MYH2: variants seen among roughly 807,000 people sequenced by gnomAD.
MYH2 encodes myosin heavy chain 2, also known as myosin-2.
A neutral mutation model predicts 228.1 loss-of-function variants in MYH2; 139 were observed. The ratio of observed to expected loss-of-function variants is 0.61; its 90% CI spans 0.53 to 0.70. The LOEUF (loss-of-function observed/expected upper bound fraction) is 0.70, where lower values mean the gene tolerates loss of function less well. Ranked by LOEUF, MYH2 falls within the 30% of genes least tolerant of loss-of-function variation. The probability of loss-of-function intolerance (pLI) is 0.00; values close to 1 mark genes in which losing one functional copy is unlikely to be tolerated. For missense variants in MYH2, 1,809 were observed against 2,357.5 expected, an observed-to-expected ratio of 0.77 and a Z score of 4.82; for synonymous variants, 796 against 871.1, an observed-to-expected ratio of 0.91 and a Z score of 1.52.
At position 10,537,843 on chromosome 17, in the gene MYH2, A is replaced by C. The variant is rs752127308; in HGVS notation, c.1417-8T>G. On this transcript the variant is annotated splice_region_variant and splice_polypyrimidine_tract_variant and intron_variant, in intron 14 of 39. Coordinates refer to ENST00000245503, the MANE Select transcript of MYH2 (RefSeq NM_017534.6). The surrounding 1 kb of genome is among the most constrained non-coding windows in gnomAD (Gnocchi z 4.0). ...CTGCTCCAGGCTGTTGAACTAAATA[A>C]ATAGATATGTTTACTTCTCTCTTAA... The C allele has an allele frequency of 6.2e-7, 1 of 1,614,216 alleles. No individual in the cohort carries two copies. The highest frequency in any genetic ancestry group is 8.5e-7 in the Non-Finnish European group (1 of 1,180,044).
Position 10,528,047 on chromosome 17 carries a change from C to CTTTTTTTT in MYH2, c.3745-181_3745-174dup, listed in dbSNP as rs71365770. On this transcript the variant is annotated intron_variant, in intron 27 of 39. Coordinates refer to ENST00000245503, the MANE Select transcript of MYH2 (RefSeq NM_017534.6). The stretch of plus-strand genomic sequence containing the variant: ...AATGCAGAAAAATTTTTCTTTCTTT[C>CTTTTTTTT]TTTTTTTTTTTTTTTGAGACAGAGT... Among the ~76,000 whole-genome samples the CTTTTTTTT allele has an allele frequency of 7.8e-4, 103 of 131,838 alleles. 3 individuals carry two copies. Among genetic ancestry groups the CTTTTTTTT allele is most frequent in the East Asian group, 3.9e-3 (17 of 4,354 alleles). The allele number at this position is 131,838 out of a possible 152,430, so 86.5% of individuals were successfully genotyped here.
At chr17:10,526,522 C>G in intron 30 of MYH2, 77 bp downstream of exon 30, 1 of 1,596,034 alleles carries the variant, frequency 6.3e-7, no homozygotes, top group South Asian at 1.1e-5. Context: ...GACTAATTCA[C>G]TGAATCTTCA....
Position 10,529,338 on chromosome 17 carries a change from T to C in MYH2, c.3261A>G (p.Lys1087=). ...NEKQQLDEKL[K]KKEFEISNLQ... The stretch of plus-strand genomic sequence containing the variant: ...ATAAGCAATTCTTTCTTACTTACTT[T>C]TTGAGCTTTTCATCAAGTTGCTGTT... Residue 1087 remains lysine, a splice_region_variant and synonymous_variant, in exon 25 of 40, where the codon AAA becomes AAG. Coordinates refer to ENST00000245503, the MANE Select transcript of MYH2 (RefSeq NM_017534.6). 1 of 1,613,926 alleles carries C rather than the reference T, an allele frequency of 6.2e-7. No individual in the cohort carries two copies. Among genetic ancestry groups the C allele is most frequent in the Non-Finnish European group, 8.5e-7 (1 of 1,180,038 alleles).
intron 28 of MYH2, 129 bp downstream of exon 28, chr17:10,527,619 T>G: frequency 7.0e-7 from 1 of 1,427,398 alleles, no homozygotes; most frequent in South Asian, 1.2e-5. Context: ...ATAGGTCAGG[T>G]GTCTGAGCTG....
At position 10,531,731 on chromosome 17, in the gene MYH2, C is replaced by T. The variant is rs1236523444; in HGVS notation, c.2599G>A (p.Asp867Asn). 6.2e-7 allele frequency: 1 copy of T among 1,614,070 alleles called. No individual in the cohort carries two copies. Among genetic ancestry groups the T allele is most frequent in the Non-Finnish European group, 8.5e-7 (1 of 1,180,032 alleles). ...TTTGCCTCTGACTTGGCAAGTTCGT[C>T]TTTAATTTTCTGAAATTCTTCCTTC... ...TMKEEFQKIK[D>N]ELAKSEAKRK... The change falls in exon 22 of 40, where the codon GAC becomes AAC. Residue 867 changes from aspartate to asparagine, a missense_variant. By Grantham distance (23) the Asp-to-Asn change is conservative (BLOSUM62 1). Around this residue, in one of 9 missense-constraint regions of MYH2, gnomAD observed 276 missense variants for 344.2 expected, o/e 0.80. Coordinates refer to ENST00000245503, the MANE Select transcript of MYH2 (RefSeq NM_017534.6).
rs780401682 is a variant in MYH2, at chr17:10,525,017, A to T, written c.4711T>A (p.Leu1571Met). The T allele has an allele frequency of 3.7e-6, 6 of 1,613,978 alleles. No individual in the cohort carries two copies. The highest frequency in any genetic ancestry group is 5.1e-6 in the Non-Finnish European group (6 of 1,180,022). ...TCAACCTCAGACTTGACTTGGTTCA[A>T]CTCAAGCTGGATGCGCAGGATCTTT... Reference protein sequence around the residue: ...EGKILRIQLELNQVKSEVDRK... With the variant: ...EGKILRIQLEMNQVKSEVDRK... The change falls in exon 34 of 40, where the codon TTG becomes ATG. Residue 1571 changes from leucine to methionine, a missense_variant. By Grantham distance (15) the Leu-to-Met change is conservative. Around this residue, in one of 9 missense-constraint regions of MYH2, gnomAD observed 636 missense variants for 729.9 expected, o/e 0.87. Coordinates refer to ENST00000245503, the MANE Select transcript of MYH2 (RefSeq NM_017534.6). The surrounding 1 kb of genome is among the most constrained non-coding windows in gnomAD (Gnocchi z 4.2).
rs367858017 is a variant in MYH2 at position 10,539,246 on chromosome 17, A to G, written c.1375T>C (p.Phe459Leu). The G allele has an allele frequency of 1.2e-6, 2 of 1,614,222 alleles. No individual in the cohort carries two copies. The highest frequency in any genetic ancestry group is 1.7e-6 in the Non-Finnish European group (2 of 1,180,034). ...CCAGCAATGTCCAAGACCCCGATGAAGTACTGCCTGGGCTGCTTGGTGTCC... is the reference window on the plus strand; with the variant it reads ...CCAGCAATGTCCAAGACCCCGATGAGGTACTGCCTGGGCTGCTTGGTGTCC... ...QLDTKQPRQY[F>L]IGVLDIAGFE... The change falls in exon 14 of 40, where the codon TTC becomes CTC. Residue 459 changes from phenylalanine (F) to leucine (L), a missense_variant. Coordinates refer to ENST00000245503, the MANE Select transcript of MYH2 (RefSeq NM_017534.6).
Position 10,529,543 on chromosome 17 carries a change from C to T in MYH2, c.3117+21G>A, listed in dbSNP as rs750110395. On this transcript the variant is annotated intron_variant, in intron 24 of 39. Coordinates refer to ENST00000245503, the MANE Select transcript of MYH2 (RefSeq NM_017534.6). ...ATCTTCCTTTAGAAGAAAAGAATGTCCTTGATGATACCAGACTTACATCAT... is the reference window on the plus strand; with the variant it reads ...ATCTTCCTTTAGAAGAAAAGAATGTTCTTGATGATACCAGACTTACATCAT... 7 of 1,614,178 alleles carry T rather than the reference C, an allele frequency of 4.3e-6. No individual in the cohort carries two copies. The Admixed American group carries it at 1.0e-4, about 23-fold the overall frequency.
At chr17:10,536,508 T>A in intron 17 of MYH2, 22 bp downstream of exon 17, 1 of 1,605,868 alleles carries the variant, frequency 6.2e-7, no homozygotes, top group Non-Finnish European at 8.5e-7. Flanking sequence ...TTGGAGAATG[T>A]CAAAAACAAT....
intron 4 of MYH2, among the ~76,000 whole-genome samples, chr17:10,546,781 A>T (rs543139752): frequency 0.034 from 2,113 of 62,494 alleles, 45 homozygotes; most frequent in African/African-American, 0.081. Context: ...TTTGTTTTTA[A>T]AAAAAAAAAA....
In MYH2 at chr17:10,529,722, C is replaced by G; in HGVS notation, c.2959G>C (p.Glu987Gln). Residue 987 changes from glutamate (E) to glutamine (Q), a missense_variant, in exon 24 of 40, where the codon GAG (glutamate) becomes CAG (glutamine). Glu to Gln is a conservative substitution (Grantham distance 29). Around this residue, in one of 9 missense-constraint regions of MYH2, gnomAD observed 636 missense variants for 729.9 expected, o/e 0.87. Coordinates refer to ENST00000245503, the MANE Select transcript of MYH2 (RefSeq NM_017534.6). ...ATGGTTTCATCCAGACCTGCCATCT[C>G]TTCTGTGAGGTTTTTCACCTACAAA... ...TENKVKNLTE[E>Q]MAGLDETIAK... The G allele has an allele frequency of 6.2e-7, 1 of 1,614,032 alleles. No individual in the cohort carries two copies. Among genetic ancestry groups the G allele is most frequent in the Non-Finnish European group, 8.5e-7 (1 of 1,180,040 alleles).
intron 28 of MYH2, 47 bp from the exon 29 acceptor site, chr17:10,527,103 T>C: frequency 6.5e-7 from 1 of 1,545,376 alleles, no homozygotes; most frequent in South Asian, 1.1e-5. Context: ...AAAAACAAGA[T>C]TCTGCAAGCC....
Position 10,524,009 on chromosome 17 carries a change from T to A in MYH2, c.5176-125A>T. 2.3e-6 allele frequency: 2 copies of A among 879,776 alleles called. No homozygotes were observed. The highest frequency in any genetic ancestry group is 3.4e-6 in the Non-Finnish European group (2 of 581,824). The allele number at this position is 879,776 out of a possible 1,614,324, so 54.5% of individuals were successfully genotyped here. The stretch of plus-strand genomic sequence containing the variant: ...AAAATGCCTTTTAATATTAAAGAAT[T>A]AAAGGATTGTGTTATGTAATATGAT... On this transcript the variant is annotated intron_variant, in intron 35 of 39. Coordinates refer to ENST00000245503, the MANE Select transcript of MYH2 (RefSeq NM_017534.6). This position sits in a 1 kb window ranked among gnomAD's most constrained non-coding sequence, Gnocchi z 4.7.
chr17:10,547,695 A>G, intron 3 of MYH2, 22 bp downstream of exon 3: 1 of 1,614,172 alleles, frequency 6.2e-7, no homozygotes, highest in Non-Finnish European at 8.5e-7. Context: ...AAAATGTGGC[A>G]AGCTCCTGGG....
rs1445456304 is a variant in MYH2 at position 10,528,735 on chromosome 17, C to G, written c.3699G>C (p.Glu1233Asp). 6.2e-7 allele frequency: 1 copy of G among 1,614,142 alleles called. No individual in the cohort carries two copies. The highest frequency in any genetic ancestry group is 1.1e-5 in the South Asian group (1 of 91,084). ...CTACATTACTAGCAAGGTCATCAATCTCCATCTTCATCTCACTCTTCTCCT... is the reference window on the plus strand; with the variant it reads ...CTACATTACTAGCAAGGTCATCAATGTCCATCTTCATCTCACTCTTCTCCT... ...LEKEKSEMKM[E>D]IDDLASNVET... The change falls in exon 27 of 40, where the codon GAG (glutamate) becomes GAC (aspartate). Residue 1233 changes from glutamate to aspartate, a missense_variant. Physicochemically the swap from Glu to Asp is conservative, Grantham distance 45. This residue lies in a region of MYH2 where 636 missense variants were observed against 729.9 expected (regional missense o/e 0.87). Coordinates refer to ENST00000245503, the MANE Select transcript of MYH2 (RefSeq NM_017534.6).
At chr17:10,547,974 T>G (rs1182530648) in intron 2 of MYH2, 34 bp from the exon 3 acceptor site, 1 of 1,552,612 alleles carries the variant, frequency 6.4e-7, no homozygotes, top group Non-Finnish European at 8.9e-7. Context: ...TTAGAGAGTC[T>G]GGATTGCCAT....
At chr17:10,528,358 T>C (rs1335939520) in intron 27 of MYH2, among the ~76,000 whole-genome samples, 1 of 152,216 alleles carries the variant, frequency 6.6e-6, no homozygotes, top group Non-Finnish European at 1.5e-5. Context: ...TCATTGCCTT[T>C]ATGTACGATG....
Position 10,521,374 on chromosome 17 carries a change from T to A in MYH2, c.5732A>T (p.Glu1911Val), listed in dbSNP as rs1224299951. The A allele has an allele frequency of 6.2e-7, 1 of 1,613,990 alleles. No homozygotes were observed. Among genetic ancestry groups the A allele is most frequent in the Non-Finnish European group, 8.5e-7 (1 of 1,179,998 alleles). Reference protein sequence around the residue: ...KFRKLQHELEEAEERADIAES... With the variant: ...KFRKLQHELEVAEERADIAES... ...AGCAATGTCAGCCCGTTCCTCGGCC[T>A]CCTCCAGCTCATGCTGGAGCTTGCG... is the stretch of plus-strand genomic sequence containing the variant. Residue 1911 changes from glutamate (E) to valine (V), a missense_variant, in exon 40 of 40, where the codon GAG becomes GTG. Glu to Val is a moderately radical substitution (Grantham distance 121). Transcript: ENST00000245503.
intron 22 of MYH2, 44 bp downstream of exon 22, chr17:10,531,589 C>T (rs1164578768): frequency 6.2e-7 from 1 of 1,613,920 alleles, no homozygotes; most frequent in Admixed American, 1.7e-5. Context: ...AGTTCTAGCA[C>T]CTGCATCCTG....
Sources: allele counts gnomAD v4.1 joint callset (sites outside exome capture counted in the v4.1 genomes callset), GRCh38; gene constraint gnomAD v4.1.1; regional missense constraint gnomAD v4.1.1; non-coding constraint Gnocchi (gnomAD v3.1); transcripts MANE v1.5; gene names NCBI Gene and HGNC (gene_info 2026-07-23, HGNC 2026-07-21).